The following CCDC77 variants were observed in gnomAD, a reference collection of about 807,000 sequenced individuals.
The protein encoded by CCDC77 is coiled-coil domain containing 77, also known as coiled-coil domain-containing protein 77.
A neutral mutation model predicts 66.8 loss-of-function variants in CCDC77; 56 were observed. The ratio of observed to expected loss-of-function variants is 0.84; its 90% CI spans 0.68 to 1.05. The LOEUF is 1.05. CCDC77 is among the 50% of genes least tolerant of loss of function. CCDC77 has a pLI of 0.00. For synonymous variants in CCDC77, 196 were observed against 195.2 expected (o/e 1.00, Z -0.03); for missense variants, 570 against 576.8 (o/e 0.99, Z 0.12).
chr12:431,066 C>CAAAAAA (rs372949107), intron 7 of CCDC77, among the ~76,000 whole-genome samples: 2 of 105,600 alleles, frequency 1.9e-5, no homozygotes, highest in Non-Finnish European at 1.8e-5. Context: ...AGACTATCTC[C>CAAAAAA]AAAAAAAAAA....
At chr12:395,628 T>C (rs1017938017) in intron 1 of CCDC77, among the ~76,000 whole-genome samples, 3 of 152,124 alleles carry the variant, frequency 2.0e-5, no homozygotes, top group African/African-American at 7.2e-5. Flanking sequence ...GTGTGCTGGC[T>C]CACGCCTGTA....
rs1292099295 is a variant in CCDC77, at chr12:441,937, T to C, written c.*17T>C. On this transcript the variant is annotated 3_prime_UTR_variant, in exon 13 of 13. Transcript: ENST00000239830. ...CTCTGTTAATGTCTACTTTTGGAAA[T>C]GGCCCCCATTTAGAAGAGGTGTGCT... is the stretch of plus-strand genomic sequence containing the variant. 2 of 1,613,680 alleles carry C rather than the reference T, an allele frequency of 1.2e-6. No homozygotes were observed. The highest frequency in any genetic ancestry group is 3.3e-5 in the Admixed American group (2 of 60,010).
chr12:438,293 G>A (rs1945792609), intron 9 of CCDC77, 42 bp from the exon 10 acceptor site: 2 of 1,327,514 alleles, frequency 1.5e-6, no homozygotes, highest in Non-Finnish European at 2.1e-6. Flanking sequence ...CAGGTGTGCT[G>A]TGTGCGCATC....
At chr12:401,893 GAGC>G (rs928385392) in intron 1 of CCDC77, among the ~76,000 whole-genome samples, 9 of 152,206 alleles carry the variant, frequency 5.9e-5, no homozygotes, top group African/African-American at 2.2e-4. Flanking sequence ...TTGGGACCTG[GAGC>G]AGTGAGGCGG....
At chr12:426,929 G>A (rs1010420502) in intron 5 of CCDC77, among the ~76,000 whole-genome samples, 28 of 152,068 alleles carry the variant, frequency 1.8e-4, no homozygotes, top group African/African-American at 6.3e-4. Flanking sequence ...TTACCTTCTA[G>A]GAGTTCCAGC....
chr12:398,862 C>T (rs1944861806), upstream of CCDC77, among the ~76,000 whole-genome samples: 1 of 151,992 alleles, frequency 6.6e-6, no homozygotes, highest in Non-Finnish European at 1.5e-5. Flanking sequence ...CAGGCTCAAG[C>T]AATCCTCCCA....
At chr12:412,057 A>G in intron 4 of CCDC77, 79 bp downstream of exon 4, 2 of 1,022,376 alleles carry the variant, frequency 2.0e-6, no homozygotes, top group Non-Finnish European at 2.9e-6. Flanking sequence ...GCCAGTTTAT[A>G]TCAGAAGCAG....
chr12:423,077 A>C (rs553058363), intron 5 of CCDC77, among the ~76,000 whole-genome samples: 4 of 146,902 alleles, frequency 2.7e-5, no homozygotes, highest in Admixed American at 6.8e-5. Flanking sequence ...CACATCCTTG[A>C]CAATACCTGT....
At chr12:396,267 C>T (rs1944827480) in intron 1 of CCDC77, among the ~76,000 whole-genome samples, 1 of 152,084 alleles carries the variant, frequency 6.6e-6, no homozygotes, top group South Asian at 2.1e-4. Flanking sequence ...TGGTGGGTGC[C>T]TGTAATCCCA....
At chr12:410,618 C>T (rs1363062425) in intron 3 of CCDC77, among the ~76,000 whole-genome samples, 1 of 148,440 alleles carries the variant, frequency 6.7e-6, no homozygotes, top group African/African-American at 2.5e-5. Flanking sequence ...GGCGTGATCT[C>T]GGCACTTGAA....
At chr12:392,776 G>T (rs879893056) in intron 1 of CCDC77, among the ~76,000 whole-genome samples, 3 of 151,578 alleles carry the variant, frequency 2.0e-5, no homozygotes, top group Admixed American at 6.6e-5. Context: ...AACCCCCAAA[G>T]TTCTTGTTTA....
chr12:432,962 G>A (rs1337567502), intron 8 of CCDC77, among the ~76,000 whole-genome samples: 1 of 152,202 alleles, frequency 6.6e-6, no homozygotes, highest in South Asian at 2.1e-4. Context: ...AGCCCAGGGG[G>A]TTGAGGCTGC....
In CCDC77 at chr12:407,782, A is replaced by ATTTTT. The variant is rs386375348; in HGVS notation, c.-16-1567_-16-1563dup. On this transcript the variant is annotated intron_variant, in intron 2 of 12. Transcript: ENST00000239830. The stretch of plus-strand genomic sequence containing the variant: ...AAAATTCTTTCCCAAAGGACTGAAG[A>ATTTTT]TTTTTTTTTTTTTTTTTTTTTTTGA... Among the ~76,000 whole-genome samples the ATTTTT allele has an allele frequency of 1.6e-3, 157 of 100,438 alleles. 1 individual carries two copies. The highest frequency in any genetic ancestry group is 2.5e-3 in the East Asian group (8 of 3,174). 65.9% of individuals were successfully genotyped at this position (100,438 alleles called of 152,430 possible).
Position 410,751 on chromosome 12 carries a change from G to A in CCDC77, c.39-996G>A, listed in dbSNP as rs180677969. ...GGTAGAGACTAGGTTTCACTATGTTGGCCAGGCTGGTCTTGAACTCCTGAC... is the reference window on the plus strand; with the variant it reads ...GGTAGAGACTAGGTTTCACTATGTTAGCCAGGCTGGTCTTGAACTCCTGAC... On this transcript the variant is annotated intron_variant, in intron 3 of 12. Coordinates refer to ENST00000239830, the MANE Select transcript of CCDC77 (RefSeq NM_032358.4). Among the ~76,000 whole-genome samples the A allele has an allele frequency of 3.6e-4, 54 of 152,022 alleles. 1 individual carries two copies. Among genetic ancestry groups the A allele is most frequent in the Non-Finnish European group, 6.9e-4 (47 of 67,992 alleles).
At position 418,785 on chromosome 12, in the gene CCDC77, C is replaced by T. The variant is rs1591977314; in HGVS notation, c.413+149C>T. The stretch of plus-strand genomic sequence containing the variant: ...CGCTCTCTTGGCTCACTGCAGCCTC[C>T]ACCTCCTGGTTCCAGCGATTCTCAT... On this transcript the variant is annotated intron_variant, in intron 5 of 12. Transcript: ENST00000239830. 9.1e-6 allele frequency: 7 copies of T among 765,556 alleles called. No homozygotes were observed. The East Asian group carries it at 1.9e-4, about 21-fold the overall frequency. The allele number at this position is 765,556 out of a possible 1,614,324, so 47.4% of individuals were successfully genotyped here.
chr12:414,369 C>T (rs547350347), intron 4 of CCDC77, among the ~76,000 whole-genome samples: 10 of 152,328 alleles, frequency 6.6e-5, no homozygotes, highest in African/African-American at 9.6e-5. Flanking sequence ...GGATTACAGG[C>T]GTGAGCCTGG....
intron 9 of CCDC77, among the ~76,000 whole-genome samples, chr12:435,341 G>A (rs573898678): frequency 1.1e-4 from 17 of 151,950 alleles, no homozygotes; most frequent in South Asian, 8.3e-4. Flanking sequence ...TCCCATCCCC[G>A]TCTCAAGCCT....
intron 1 of CCDC77, among the ~76,000 whole-genome samples, chr12:402,880 G>A (rs563552743): frequency 5.9e-5 from 9 of 152,222 alleles, no homozygotes; most frequent in South Asian, 2.1e-4. Context: ...GCCAACTCCC[G>A]GTTGCTTGGA....
chr12:433,412 C>A, intron 9 of CCDC77, 90 bp downstream of exon 9: 1 of 1,538,964 alleles, frequency 6.5e-7, no homozygotes, highest in South Asian at 1.3e-5. Context: ...AACAGCGGGT[C>A]ATAGAACTAA....
Sources: gnomAD v4.1 joint callset for allele counts (sites outside exome capture counted in the v4.1 genomes callset) on GRCh38, gnomAD v4.1.1 for gene constraint, MANE v1.5 for transcripts, NCBI Gene and HGNC (gene_info 2026-07-23, HGNC 2026-07-21) for gene names.